The following MYBPC1 variants were observed in gnomAD, a reference collection of about 807,000 sequenced individuals.
MYBPC1 encodes myosin binding protein C1, also known as myosin-binding protein C, slow-type.
In MYBPC1, 52 loss-of-function variants were observed where a neutral mutation model predicts 147.1. The ratio of observed to expected loss-of-function variants is 0.35; its 90% CI spans 0.28 to 0.45. The LOEUF (loss-of-function observed/expected upper bound fraction) is 0.45. Ranked by LOEUF, MYBPC1 falls within the 20% of genes least tolerant of loss-of-function variation. MYBPC1 has a pLI of 1.00. For missense variants in MYBPC1, 1,228 were observed against 1,440.3 expected (o/e 0.85, Z 2.39); for synonymous variants, 477 against 475.9 (o/e 1.00, Z -0.03).
chr12:101,614,641 C>T, intron 2 of MYBPC1, 110 bp downstream of exon 2: 1 of 1,100,012 alleles, frequency 9.1e-7, no homozygotes, highest in Non-Finnish European at 1.4e-6. Context: ...AACCTAACTC[C>T]TACTGAGAAG....
chr12:101,684,527 TAG>T (rs757413970), intron 31 of MYBPC1, 103 bp downstream of exon 31: 410 of 887,750 alleles, frequency 4.6e-4, no homozygotes, highest in Admixed American at 1.6e-3. Context: ...CCAATGAAAA[TAG>T]ACTTATTTTA....
chr12:101,688,418 C>CA (rs965548787), downstream of MYBPC1, among the ~76,000 whole-genome samples: 12 of 150,912 alleles, frequency 8.0e-5, no homozygotes, highest in Non-Finnish European at 1.2e-4. Flanking sequence ...GACCCTGTCT[C>CA]AAAAAAAAAT....
chr12:101,617,396 G>C (rs1296717412), intron 3 of MYBPC1, among the ~76,000 whole-genome samples, 153 bp downstream of exon 3: 7 of 152,178 alleles, frequency 4.6e-5, no homozygotes. Flanking sequence ...TCAGTATAAT[G>C]ACAAATGGTG....
At chr12:101,599,144 T>C (rs1000592549) in intron 1 of MYBPC1, among the ~76,000 whole-genome samples, 3 of 152,210 alleles carry the variant, frequency 2.0e-5, no homozygotes, top group African/African-American at 7.2e-5. Flanking sequence ...ACAGGTTCCT[T>C]TATGACCATA....
At chr12:101,611,151 T>C (rs530671309) in intron 1 of MYBPC1, among the ~76,000 whole-genome samples, 2 of 152,214 alleles carry the variant, frequency 1.3e-5, no homozygotes, top group Non-Finnish European at 2.9e-5. Flanking sequence ...CCGGTATACA[T>C]TTTCCTATTT....
intron 3 of MYBPC1, 32 bp downstream of exon 3, chr12:101,617,275 G>A (rs1238802468): frequency 8.1e-6 from 13 of 1,610,642 alleles, no homozygotes; most frequent in Non-Finnish European, 1.0e-5. Flanking sequence ...TGAGGCTGAA[G>A]TCAACAAAAT....
downstream of MYBPC1, among the ~76,000 whole-genome samples, chr12:101,689,840 G>GACTCAGCTT (rs991380119): frequency 6.6e-6 from 1 of 152,050 alleles, no homozygotes; most frequent in African/African-American, 2.4e-5. Flanking sequence ...GACCACCTGG[G>GACTCAGCTT]ACTCAGCTTA....
intron 3 of MYBPC1, among the ~76,000 whole-genome samples, chr12:101,625,991 G>A (rs185302600): frequency 6.8e-4 from 102 of 150,126 alleles, no homozygotes; most frequent in African/African-American, 2.2e-3. Context: ...GGGAGGCTGA[G>A]GCAGGAGAAT....
chr12:101,623,376 A>G (rs1887876974), intron 3 of MYBPC1, among the ~76,000 whole-genome samples: 1 of 152,212 alleles, frequency 6.6e-6, no homozygotes, highest in South Asian at 2.1e-4. Context: ...CCATCATTAC[A>G]TATTCTATGC....
chr12:101,670,521 GA>G (rs1898419626), intron 24 of MYBPC1, 112 bp downstream of exon 24: 1 of 911,320 alleles, frequency 1.1e-6, no homozygotes, highest in African/African-American at 1.6e-5. Flanking sequence ...TCCTCAGAGG[GA>G]GAGGAGGTAA....
At chr12:101,653,714 T>A (rs1894997913) in intron 18 of MYBPC1, among the ~76,000 whole-genome samples, 1 of 151,922 alleles carries the variant, frequency 6.6e-6, no homozygotes, top group South Asian at 2.1e-4. Context: ...ACGGAGGCAA[T>A]TACAAGTGCA....
At chr12:101,647,690 C>G (rs11110911) in intron 13 of MYBPC1, among the ~76,000 whole-genome samples, 4,013 of 152,246 alleles carry the variant, frequency 0.026, 259 homozygotes, top group East Asian at 0.25. Context: ...AGTTCAAGAC[C>G]AGCCTGGCCA....
the MYBPC1 span, among the ~76,000 whole-genome samples, chr12:101,692,728 G>A: frequency 6.6e-6 from 1 of 152,048 alleles, no homozygotes; most frequent in South Asian, 2.1e-4. Context: ...GAAAATGGAG[G>A]GGAGCCATGA....
At chr12:101,605,666 G>T (rs1468983123) in intron 1 of MYBPC1, among the ~76,000 whole-genome samples, 1 of 152,114 alleles carries the variant, frequency 6.6e-6, no homozygotes, top group African/African-American at 2.4e-5. Flanking sequence ...TTTGAGACCA[G>T]CCTGGCCAAC....
rs117953188 is a variant in MYBPC1, at chr12:101,656,460, G to A, written c.1767+3212G>A. On this transcript the variant is annotated intron_variant, in intron 18 of 31. Coordinates refer to ENST00000361466, the MANE Select transcript of MYBPC1 (RefSeq NM_002465.4). ...AGATATGTTGACTATAAGAAACCCAGTTTAAATATAAAGTTGCATCCATTA... is the reference window on the plus strand; with the variant it reads ...AGATATGTTGACTATAAGAAACCCAATTTAAATATAAAGTTGCATCCATTA... Among the ~76,000 whole-genome samples, 46 of 152,048 alleles carry A rather than the reference G, an allele frequency of 3.0e-4. 2 individuals carry two copies. The East Asian group carries it at 8.5e-3, about 28-fold the overall frequency.
In MYBPC1 at chr12:101,685,815, A is replaced by AG; in HGVS notation, c.*253_*254insG. The stretch of plus-strand genomic sequence containing the variant: ...CTTTCCTCCTAATGTTGAAGAGAAA[A>AG]AAAAAAAAAAAAGTTTGCCCAGATT... On this transcript the variant is annotated 3_prime_UTR_variant, in exon 32 of 32. Coordinates refer to ENST00000361466, the MANE Select transcript of MYBPC1 (RefSeq NM_002465.4). 2 of 609,596 alleles carry AG rather than the reference A, an allele frequency of 3.3e-6. No individual in the cohort carries two copies. The highest frequency in any genetic ancestry group is 5.3e-6 in the Non-Finnish European group (2 of 377,064). 37.8% of individuals were successfully genotyped at this position (609,596 alleles called of 1,614,324 possible).
rs149213047 is a variant in MYBPC1, at chr12:101,629,446, T to C, written c.191T>C (p.Val64Ala). The C allele has an allele frequency of 6.9e-4, 1,115 of 1,612,232 alleles. 10 individuals carry two copies. In the African/African-American group the frequency reaches 0.014, roughly 20 times the overall value. The change falls in exon 6 of 32, where the codon GTC becomes GCC. Residue 64 changes from valine (V) to alanine (A), a missense_variant. Coordinates refer to ENST00000361466, the MANE Select transcript of MYBPC1 (RefSeq NM_002465.4). ...LERKDSDWTL[V>A]ETPPGEEQAK... ...TTCTGCTCATCAGACTGGACCCTTG[T>C]CGAAACTCCTCCTGGGGAGGAACAA...
chr12:101,599,199 C>T (rs1878783178), intron 1 of MYBPC1, among the ~76,000 whole-genome samples: 1 of 152,146 alleles, frequency 6.6e-6, no homozygotes, highest in Admixed American at 6.6e-5. Context: ...AAAGGCATGG[C>T]TTTGTTACTG....
At position 101,677,207 on chromosome 12, in the gene MYBPC1, C is replaced by G. The variant is rs766857972; in HGVS notation, c.2950-28C>G. ...AATTGTATACTTTTAGGTGATTTTCCTCCAGTTATTATTTTTTTTTCTTTT... is the reference window on the plus strand; with the variant it reads ...AATTGTATACTTTTAGGTGATTTTCGTCCAGTTATTATTTTTTTTTCTTTT... On this transcript the variant is annotated intron_variant, in intron 26 of 31. Coordinates refer to ENST00000361466, the MANE Select transcript of MYBPC1 (RefSeq NM_002465.4). The G allele has an allele frequency of 6.2e-6, 10 of 1,603,330 alleles. No individual in the cohort carries two copies. The South Asian group carries it at 7.7e-5, about 12-fold the overall frequency.
Sources: gnomAD v4.1 joint callset for allele counts (sites outside exome capture counted in the v4.1 genomes callset) on GRCh38, gnomAD v4.1.1 for gene constraint, MANE v1.5 for transcripts, NCBI Gene and HGNC (gene_info 2026-07-23, HGNC 2026-07-21) for gene names.